PIWIL2: variants seen among roughly 807,000 people sequenced by gnomAD.
PIWIL2 encodes the protein piwi-like protein 2.
Under a neutral mutation model 116.5 loss-of-function variants are expected in PIWIL2, and 81 were observed. The ratio of observed to expected loss-of-function variants is 0.70; its 90% confidence interval spans 0.58 to 0.84. The LOEUF is 0.84. Among genes scored for constraint, PIWIL2 ranks in the 40% least tolerant of loss-of-function variants. The pLI, the probability that PIWIL2 is intolerant of heterozygous loss-of-function variation, is 0.00. For missense variants in PIWIL2, 1,272 were observed against 1,212.3 expected, an observed-to-expected ratio of 1.05 and a Z score of -0.73; for synonymous variants, 489 against 429.5, an observed-to-expected ratio of 1.14 and a Z score of -1.71.
chr8:22,288,149 T>G (rs1158501093), intron 7 of PIWIL2, among the ~76,000 whole-genome samples: 1 of 151,948 alleles, frequency 6.6e-6, no homozygotes, highest in Non-Finnish European at 1.5e-5. Context: ...ATAAAAAAAA[T>G]TAGCTGGGCA....
At chr8:22,342,793 G>C (rs1832140742) in intron 20 of PIWIL2, among the ~76,000 whole-genome samples, 1 of 151,986 alleles carries the variant, frequency 6.6e-6, no homozygotes, top group African/African-American at 2.4e-5. Context: ...AAAAACTTCT[G>C]GGAAACACTG....
intron 6 of PIWIL2, 83 bp from the exon 7 acceptor site, chr8:22,287,445 G>T: frequency 4.7e-6 from 4 of 857,566 alleles, no homozygotes. Flanking sequence ...GCAGTTACTG[G>T]GTAACTAGCA....
chr8:22,308,406 A>G (rs1563380997), intron 14 of PIWIL2, among the ~76,000 whole-genome samples: 1 of 152,060 alleles, frequency 6.6e-6, no homozygotes, highest in Non-Finnish European at 1.5e-5. Context: ...TAATCCCAGC[A>G]CTTTGGGAGG....
rs567529410 is a variant in PIWIL2, at chr8:22,356,095, A to G, written c.*590A>G. 1 of 152,192 alleles carries G rather than the reference A, an allele frequency of 6.6e-6. No individual in the cohort carries two copies. The highest frequency in any genetic ancestry group is 2.4e-5 in the African/African-American group (1 of 41,386). 9.4% of individuals were successfully genotyped at this position (152,192 alleles called of 1,614,324 possible). On this transcript the variant is annotated 3_prime_UTR_variant, in exon 23 of 23. Transcript: ENST00000356766. ...TCAAAAAAAAAAAAAAAAAGCCAAC[A>G]TGAGCTGCAGAAACCAGCAGAAGCA... is the stretch of plus-strand genomic sequence containing the variant.
chr8:22,318,232 G>A lies in PIWIL2; in HGVS notation c.2360G>A (p.Ser787Asn). The A allele has an allele frequency of 6.2e-7, 1 of 1,613,414 alleles. No individual in the cohort carries two copies. Among genetic ancestry groups the A allele is most frequent in the Admixed American group, 1.7e-5 (1 of 60,020 alleles). Reference protein sequence around the residue: ...FQMPHQEIVDSLKLCLVGSLK... With the variant: ...FQMPHQEIVDNLKLCLVGSLK... ...ATGCCGCATCAGGAGATTGTGGACA[G>A]CCTGAAGCTATGCCTCGTGGGCTCC... The change falls in exon 20 of 23, where the codon AGC becomes AAC. Residue 787 changes from serine to asparagine, a missense_variant. By Grantham distance (46) the Ser-to-Asn change is conservative. Transcript: ENST00000356766.
Position 22,311,104 on chromosome 8 carries a change from GT to G in PIWIL2, c.1801-6del, listed in dbSNP as rs769938746. On this transcript the variant is annotated splice_polypyrimidine_tract_variant and splice_region_variant and intron_variant, in intron 15 of 22. Coordinates refer to ENST00000356766, the MANE Select transcript of PIWIL2 (RefSeq NM_018068.5). ...TGAGAAATACTAAAAGCTCTTGGTTGTTCCTAGATCCCCATGCATTTCTGGG... is the reference window on the plus strand; with the variant it reads ...TGAGAAATACTAAAAGCTCTTGGTTGTCCTAGATCCCCATGCATTTCTGGG... The G allele has an allele frequency of 5.6e-6, 9 of 1,595,662 alleles. No individual in the cohort carries two copies. Among genetic ancestry groups the G allele is most frequent in the Non-Finnish European group, 7.7e-6 (9 of 1,170,928 alleles).
At chr8:22,341,994 AAGG>A (rs979177036) in intron 20 of PIWIL2, among the ~76,000 whole-genome samples, 29 of 148,230 alleles carry the variant, frequency 2.0e-4, no homozygotes, top group African/African-American at 7.6e-4. Flanking sequence ...AAAAAAAAAA[AAGG>A]TGAATTTTGT....
intron 20 of PIWIL2, among the ~76,000 whole-genome samples, chr8:22,340,743 T>G (rs934640845): frequency 3.3e-5 from 5 of 152,034 alleles, no homozygotes; most frequent in African/African-American, 7.2e-5. Flanking sequence ...TTCTGAGACA[T>G]AGAGTCTTTC....
chr8:22,316,265 G>A lies in PIWIL2; in HGVS notation c.2229G>A (p.Gly743=), dbSNP rs1459970644. The change falls in exon 19 of 23, where the codon GGG becomes GGA. Residue 743 remains glycine (G), a synonymous_variant. Transcript: ENST00000356766. ...ACTAGAAACAGTTAATGGTGATCGG[G>A]ATGGATGTTTACCATGACCCCAGTA... ...DIPLKQLMVI[G]MDVYHDPSRG... 3.7e-6 allele frequency: 6 copies of A among 1,612,888 alleles called. No individual in the cohort carries two copies. The highest frequency in any genetic ancestry group is 4.2e-6 in the Non-Finnish European group (5 of 1,178,928).
At position 22,289,702 on chromosome 8, in the gene PIWIL2, T is replaced by C. The variant is rs563705651; in HGVS notation, c.987-145T>C. On this transcript the variant is annotated intron_variant, in intron 8 of 22. Coordinates refer to ENST00000356766, the MANE Select transcript of PIWIL2 (RefSeq NM_018068.5). ...AGTTTTTGGTTTTCTTTTAACAAGATTGTTCTCAATATAAAAGCTGTCTTC... is the reference window on the plus strand; with the variant it reads ...AGTTTTTGGTTTTCTTTTAACAAGACTGTTCTCAATATAAAAGCTGTCTTC... The C allele has an allele frequency of 6.8e-6, 4 of 585,000 alleles. No individual in the cohort carries two copies. The South Asian group carries it at 7.6e-5, about 11-fold the overall frequency. 36.2% of individuals were successfully genotyped at this position (585,000 alleles called of 1,614,324 possible).
chr8:22,286,714 C>G (rs1830637060), intron 6 of PIWIL2, among the ~76,000 whole-genome samples: 1 of 152,110 alleles, frequency 6.6e-6, no homozygotes, highest in African/African-American at 2.4e-5. Context: ...CTCCATCTCC[C>G]AGGCTGAAAT....
chr8:22,337,054 T>C (rs1279415176), intron 20 of PIWIL2, among the ~76,000 whole-genome samples: 1 of 152,198 alleles, frequency 6.6e-6, no homozygotes. Flanking sequence ...TTAGACCTTA[T>C]ATTTAAATAA....
chr8:22,329,098 AG>A (rs1831799155), intron 20 of PIWIL2, among the ~76,000 whole-genome samples: 1 of 152,058 alleles, frequency 6.6e-6, no homozygotes, highest in African/African-American at 2.4e-5. Context: ...GTTAGCTCTG[AG>A]TTTTTCATAA....
In PIWIL2 at chr8:22,306,538, G is replaced by A. The variant is rs552214810; in HGVS notation, c.1545+522G>A. 3.9e-5 allele frequency among the ~76,000 whole-genome samples: 6 copies of A among 152,244 alleles called. No homozygotes were observed. In the East Asian group the frequency reaches 5.8e-4, roughly 15 times the overall value. On this transcript the variant is annotated intron_variant, in intron 13 of 22. Coordinates refer to ENST00000356766, the MANE Select transcript of PIWIL2 (RefSeq NM_018068.5). ...GGGCAGGGCTGAGTAGCACAGATGG[G>A]TACAGCACCTAGCACCTAGGTGGCG...
At chr8:22,305,151 A>G (rs1186091590) in intron 12 of PIWIL2, among the ~76,000 whole-genome samples, 1 of 151,792 alleles carries the variant, frequency 6.6e-6, no homozygotes. Flanking sequence ...CTCTGAATCC[A>G]TGAGGAAAGG....
At chr8:22,328,127 G>A (rs1251915632) in intron 20 of PIWIL2, among the ~76,000 whole-genome samples, 2 of 152,078 alleles carry the variant, frequency 1.3e-5, no homozygotes, top group South Asian at 2.1e-4. Flanking sequence ...ACAAAGTGAG[G>A]TAAGGGTCCA....
At chr8:22,300,516 G>C (rs1395809075) in intron 10 of PIWIL2, among the ~76,000 whole-genome samples, 1 of 152,160 alleles carries the variant, frequency 6.6e-6, no homozygotes, top group African/African-American at 2.4e-5. Context: ...GTCTTGGTTA[G>C]TAGATACCTG....
chr8:22,303,073 T>C lies in PIWIL2; in HGVS notation c.1182-948T>C, dbSNP rs1429138287. The stretch of plus-strand genomic sequence containing the variant: ...TTCTATTTCTGTAGGAGTCTCAAAA[T>C]GACAAAGCTAGAGAATAGACTGGTA... On this transcript the variant is annotated intron_variant, in intron 10 of 22. Transcript: ENST00000356766. Among the ~76,000 whole-genome samples, 3 of 152,138 alleles carry C rather than the reference T, an allele frequency of 2.0e-5. No homozygotes were observed. In the South Asian group the frequency reaches 6.2e-4, roughly 31 times the overall value.
At chr8:22,345,837 T>G (rs976238159) in intron 20 of PIWIL2, among the ~76,000 whole-genome samples, 62 of 152,308 alleles carry the variant, frequency 4.1e-4, no homozygotes, top group African/African-American at 1.4e-3. Flanking sequence ...TGAAATTTAT[T>G]TAAACATAAA....
Sources: gnomAD v4.1 joint callset for allele counts (sites outside exome capture counted in the v4.1 genomes callset) on GRCh38, gnomAD v4.1.1 for gene constraint, MANE v1.5 for transcripts, NCBI Gene and HGNC (gene_info 2026-07-23, HGNC 2026-07-21) for gene names.